The following EFTUD2 variants were observed in gnomAD, a reference collection of about 807,000 sequenced individuals.
The protein encoded by EFTUD2 is 116 kDa U5 small nuclear ribonucleoprotein component.
EFTUD2 carries 9 observed loss-of-function variants against 114.3 expected under a neutral mutation model. That is an observed-to-expected ratio of 0.08 (90% confidence interval 0.05 to 0.14). The LOEUF (loss-of-function observed/expected upper bound fraction) is 0.14. EFTUD2 is among the 10% of genes least tolerant of loss of function. The pLI is 1.00. For synonymous variants in EFTUD2, 449 were observed against 462.3 expected (o/e 0.97, Z 0.37); for missense variants, 765 against 1,241.2 (o/e 0.62, Z 5.76).
At chr17:44,874,337 G>C (rs114953698) in intron 10 of EFTUD2, among the ~76,000 whole-genome samples, 1 of 152,034 alleles carries the variant, frequency 6.6e-6, no homozygotes, top group African/African-American at 2.4e-5. Flanking sequence ...AAGCTATCAC[G>C]CTTGGCCTTC....
chr17:44,879,289 T>C (rs1422875705), intron 9 of EFTUD2, among the ~76,000 whole-genome samples: 2 of 152,160 alleles, frequency 1.3e-5, no homozygotes, highest in Non-Finnish European at 2.9e-5. Context: ...TTTCGCCACG[T>C]TGGCCAGGCT....
At chr17:44,863,492 C>T in intron 15 of EFTUD2, 163 bp downstream of exon 15, 1 of 946,102 alleles carries the variant, frequency 1.1e-6, no homozygotes, top group East Asian at 2.6e-5. Context: ...GGTCATAGCA[C>T]TAGCGGTGGC....
At chr17:44,895,926 TC>T (rs2145585822) in intron 1 of EFTUD2, 1 of 152,378 alleles carries the variant, frequency 6.6e-6, no homozygotes, top group South Asian at 2.1e-4. Flanking sequence ...CTTCAGTCTT[TC>T]CTTCCAAGGA....
chr17:44,890,455 G>A (rs2051259188), intron 2 of EFTUD2, among the ~76,000 whole-genome samples: 1 of 151,732 alleles, frequency 6.6e-6, no homozygotes, highest in Admixed American at 6.6e-5. Context: ...CACTTTGAGA[G>A]GCTGAGGCGG....
chr17:44,885,174 C>T, intron 4 of EFTUD2, 82 bp downstream of exon 4: 1 of 1,108,216 alleles, frequency 9.0e-7, no homozygotes, highest in Non-Finnish European at 1.4e-6. Flanking sequence ...CTAGCTATTT[C>T]AGCCAAAAGC....
rs145595797 is a variant in EFTUD2, at chr17:44,877,157, T to C, written c.703-1057A>G. Among the ~76,000 whole-genome samples, 1,351 of 151,774 alleles carry C rather than the reference T, an allele frequency of 8.9e-3. 18 individuals are homozygous for C. Among genetic ancestry groups the C allele is most frequent in the African/African-American group, 0.03 (1,254 of 41,360 alleles). ...GCTGCTGTGAGGTATAATTGTACCA[T>C]TGCACTCCAGCCTGGGCCAGAGGGC... On this transcript the variant is annotated intron_variant, in intron 9 of 27. Transcript: ENST00000426333.
intron 14 of EFTUD2, among the ~76,000 whole-genome samples, chr17:44,864,635 G>A (rs1044106890): frequency 2.0e-5 from 3 of 152,048 alleles, no homozygotes; most frequent in South Asian, 2.1e-4. Context: ...CCACCTTCCC[G>A]GCTGCCCCCT....
chr17:44,875,801 G>C (rs1422493365), intron 10 of EFTUD2, 133 bp downstream of exon 10: 1 of 1,024,396 alleles, frequency 9.8e-7, no homozygotes, highest in African/African-American at 1.6e-5. Flanking sequence ...AGAGTCCCAG[G>C]ATGTGCCTCT....
At position 44,883,695 on chromosome 17, in the gene EFTUD2, T is replaced by C; in HGVS notation, c.380A>G (p.Glu127Gly). 6.2e-7 allele frequency: 1 copy of C among 1,614,192 alleles called. No homozygotes were observed. Among genetic ancestry groups the C allele is most frequent in the Non-Finnish European group, 8.5e-7 (1 of 1,180,038 alleles). The part of the protein sequence containing the change: ...DFLADLMDNS[E>G]LIRNVTLCGH... ...ACAAAGGGTCACATTTCTGATGAGC[T>C]CTGAGTTATCCATCAGATCCGCCAA... is the stretch of plus-strand genomic sequence containing the variant. Residue 127 changes from glutamate to glycine, a missense_variant, in exon 5 of 28, where the codon GAG (glutamate) becomes GGG (glycine). Physicochemically the swap from Glu to Gly is moderately conservative, Grantham distance 98 (BLOSUM62 -2). Coordinates refer to ENST00000426333, the MANE Select transcript of EFTUD2 (RefSeq NM_004247.4).
At chr17:44,899,163 T>A (rs142749221) in intron 1 of EFTUD2, 3 of 152,342 alleles carry the variant, frequency 2.0e-5, no homozygotes, top group Non-Finnish European at 4.4e-5. Context: ...AATCGAGGTG[T>A]GTGCGTGTGT....
chr17:44,863,532 G>A, intron 15 of EFTUD2, 123 bp downstream of exon 15: 1 of 1,396,050 alleles, frequency 7.2e-7, no homozygotes, highest in Non-Finnish European at 9.8e-7. Context: ...AGGCCTGACT[G>A]TGCTCATGGG....
intron 11 of EFTUD2, among the ~76,000 whole-genome samples, chr17:44,870,257 T>C (rs972682698): frequency 6.6e-6 from 1 of 152,260 alleles, no homozygotes; most frequent in Admixed American, 6.5e-5. Flanking sequence ...GAATCATCTC[T>C]GCATTATAAT....
In EFTUD2 at chr17:44,851,032, G is replaced by C; in HGVS notation, c.*242C>G. On this transcript the variant is annotated 3_prime_UTR_variant, in exon 28 of 28. Transcript: ENST00000426333. ...GTTTCATCCCCTTCTCTTTCTGTGAGCCCAAGCTCCTCTCTTTTCCTTGGG... is the reference window on the plus strand; with the variant it reads ...GTTTCATCCCCTTCTCTTTCTGTGACCCCAAGCTCCTCTCTTTTCCTTGGG... 1 of 491,328 alleles carries C rather than the reference G, an allele frequency of 2.0e-6. No individual in the cohort carries two copies. 30.4% of individuals were successfully genotyped at this position (491,328 alleles called of 1,614,324 possible).
At chr17:44,860,580 G>A (rs1469188641) in intron 16 of EFTUD2, 37 bp from the exon 17 acceptor site, 4 of 1,299,702 alleles carry the variant, frequency 3.1e-6, no homozygotes, top group Non-Finnish European at 4.4e-6. Flanking sequence ...TGAAACTTAG[G>A]CAGAGCATTC....
At chr17:44,853,710 C>G (rs1485976594) in intron 23 of EFTUD2, 75 bp from the exon 24 acceptor site, 1 of 1,588,922 alleles carries the variant, frequency 6.3e-7, no homozygotes, top group East Asian at 2.3e-5. Context: ...GTAGCAGTCT[C>G]CTGCAACACT....
intron 11 of EFTUD2, among the ~76,000 whole-genome samples, chr17:44,870,879 A>G (rs1255091893): frequency 6.6e-6 from 1 of 152,144 alleles, no homozygotes; most frequent in East Asian, 2.0e-4. Context: ...TTAGCTGGGC[A>G]TGGTGGCATG....
chr17:44,893,198 C>T (rs1247167707), intron 2 of EFTUD2, among the ~76,000 whole-genome samples: 1 of 151,842 alleles, frequency 6.6e-6, no homozygotes, highest in African/African-American at 2.4e-5. Context: ...TCTTGGCTCA[C>T]TGCAACCTCC....
At position 44,852,769 on chromosome 17, in the gene EFTUD2, G is replaced by A. The variant is rs2050477813; in HGVS notation, c.2562-207C>T. On this transcript the variant is annotated intron_variant, in intron 25 of 27. Transcript: ENST00000426333. ...AAGTCAAAGTGGCAGCAACCTCTGG[G>A]CAGAGGACAGGAGTGGGATGGTGAA... Among the ~76,000 whole-genome samples the A allele has an allele frequency of 2.6e-5, 4 of 152,314 alleles. No individual in the cohort carries two copies. In the South Asian group the frequency reaches 8.3e-4, roughly 32 times the overall value.
chr17:44,871,771 C>A (rs2050859645), intron 11 of EFTUD2, among the ~76,000 whole-genome samples: 1 of 152,184 alleles, frequency 6.6e-6, no homozygotes, highest in Admixed American at 6.5e-5. Flanking sequence ...CATGAGACAT[C>A]TCACGGAGCC....
Sources: gnomAD v4.1 joint callset for allele counts (sites outside exome capture counted in the v4.1 genomes callset) on GRCh38, gnomAD v4.1.1 for gene constraint, MANE v1.5 for transcripts, NCBI Gene and HGNC (gene_info 2026-07-23, HGNC 2026-07-21) for gene names.